Variants in GNS observed in about 807,000 individuals in gnomAD.
GNS encodes the protein N-acetylglucosamine-6-sulfatase.
A neutral mutation model predicts 69.7 loss-of-function variants in GNS; 40 were observed. The ratio of observed to expected loss-of-function variants is 0.57; its 90% confidence interval spans 0.45 to 0.75. GNS has a LOEUF of 0.75. Among genes scored for constraint, GNS ranks in the 30% least tolerant of loss-of-function variants. GNS has a pLI of 0.00. For missense variants in GNS, 565 were observed against 685.5 expected, an observed-to-expected ratio of 0.82 and a Z score of 1.96; for synonymous variants, 243 against 251.6, an observed-to-expected ratio of 0.97 and a Z score of 0.32.
intron 10 of GNS, among the ~76,000 whole-genome samples, chr12:64,725,910 G>A (rs926468158): frequency 1.4e-5 from 2 of 146,134 alleles, no homozygotes; most frequent in Non-Finnish European, 3.0e-5. Context: ...CCAGGAGAAT[G>A]GCGTGAACCA....
At position 64,729,023 on chromosome 12, in the gene GNS, ATAG is replaced by A. The variant is rs1869300567; in HGVS notation, c.1130_1132del (p.Thr377del). ...TAGGTCGTAGCCAGCAATGTCCAAA[ATAG>A]TAGGACCCAAGTCAATGTTGGCAAC... On this transcript the variant is annotated inframe_deletion, in exon 10 of 14. Coordinates refer to ENST00000258145, the MANE Select transcript of GNS (RefSeq NM_002076.4). 1 of 1,597,056 alleles carries A rather than the reference ATAG, an allele frequency of 6.3e-7. No homozygotes were observed. Among genetic ancestry groups the A allele is most frequent in the Non-Finnish European group, 8.6e-7 (1 of 1,164,556 alleles).
chr12:64,740,601 C>T lies in GNS; in HGVS notation c.875+5G>A. On this transcript the variant is annotated splice_donor_5th_base_variant and intron_variant, in intron 7 of 13. Transcript: ENST00000258145. ...CTCAGATTGTTATGTAGCAGCAGCTCTTACCTTTTCCTAAATGCATTATCT... is the reference window on the plus strand; with the variant it reads ...CTCAGATTGTTATGTAGCAGCAGCTTTTACCTTTTCCTAAATGCATTATCT... 1 of 1,463,446 alleles carries T rather than the reference C, an allele frequency of 6.8e-7. No individual in the cohort carries two copies. Among genetic ancestry groups the T allele is most frequent in the Non-Finnish European group, 9.6e-7 (1 of 1,042,442 alleles). 90.7% of individuals were successfully genotyped at this position (1,463,446 alleles called of 1,614,324 possible). A position where few individuals can be genotyped will look rare whatever the true frequency, so the allele number is the denominator to read the frequency against.
intron 1 of GNS, among the ~76,000 whole-genome samples, chr12:64,754,802 T>C (rs1256607613): frequency 2.6e-5 from 4 of 151,994 alleles, no homozygotes; most frequent in African/African-American, 9.7e-5. Flanking sequence ...GGTGGGAGGA[T>C]TGTTTGTGCC....
At chr12:64,732,181 T>TTTTTTTTTTTTTTTTC (rs1869420759) in intron 9 of GNS, among the ~76,000 whole-genome samples, 1 of 131,044 alleles carries the variant, frequency 7.6e-6, no homozygotes, top group African/African-American at 2.9e-5. Flanking sequence ...TTTTTTTTTT[T>TTTTTTTTTTTTTTTTC]TTTTGAGACG....
In GNS at chr12:64,740,651, A is replaced by T; in HGVS notation, c.830T>A (p.Met277Lys). 1 of 1,590,240 alleles carries T rather than the reference A, an allele frequency of 6.3e-7. No homozygotes were observed. Among genetic ancestry groups the T allele is most frequent in the Non-Finnish European group, 8.6e-7 (1 of 1,158,394 alleles). Residue 277 changes from methionine to lysine, a missense_variant, in exon 7 of 14, where the codon ATG becomes AAG. Physicochemically the swap from Met to Lys is moderately conservative, Grantham distance 95. Around this residue, in one of 2 missense-constraint regions of GNS, gnomAD observed 384 missense variants for 511.0 expected, o/e 0.75. Transcript: ENST00000258145. ...TAAAAACTGTATTGAAGAATTAGTC[A>T]TTGGAGTCTTGGCTTGCCTAATTAA... ...HWLIRQAKTP[M>K]TNSSIQFLDN...
intron 6 of GNS, among the ~76,000 whole-genome samples, chr12:64,742,311 C>T (rs557335927): frequency 2.6e-4 from 40 of 152,366 alleles, no homozygotes; most frequent in South Asian, 1.0e-3. Flanking sequence ...TGAGCCACTG[C>T]GCCCGGCCAG....
At chr12:64,744,171 C>T (rs1327041798) in intron 5 of GNS, among the ~76,000 whole-genome samples, 2 of 152,214 alleles carry the variant, frequency 1.3e-5, no homozygotes, top group Non-Finnish European at 2.9e-5. Context: ...ACTTATTTCT[C>T]GAACTGATCA....
intron 12 of GNS, among the ~76,000 whole-genome samples, chr12:64,720,895 T>C (rs1470354388): frequency 6.6e-6 from 1 of 152,228 alleles, no homozygotes; most frequent in African/African-American, 2.4e-5. Context: ...GTTATCAAAC[T>C]GATAAACATT....
Position 64,759,323 on chromosome 12 carries a change from A to T in GNS, c.-47T>A, listed in dbSNP as rs918977103. 1.5e-6 allele frequency: 2 copies of T among 1,307,042 alleles called. No individual in the cohort carries two copies. The highest frequency in any genetic ancestry group is 2.0e-6 in the Non-Finnish European group (2 of 975,646). The allele number at this position is 1,307,042 out of a possible 1,614,324, so 81.0% of individuals were successfully genotyped here. A position where few individuals can be genotyped will look rare whatever the true frequency, so the allele number is the denominator to read the frequency against. Reference sequence around the variant, plus strand: ...CCCCGGGACGGGACGGGACGGAGGGACGCACAGGTAGCTGAAGGGCGAGAG... The same window carrying T: ...CCCCGGGACGGGACGGGACGGAGGGTCGCACAGGTAGCTGAAGGGCGAGAG... On this transcript the variant is annotated 5_prime_UTR_variant, in exon 1 of 14. Transcript: ENST00000258145.
rs984763118 is a variant in GNS at position 64,715,525 on chromosome 12, CAA to C, written c.*1214_*1215del. On this transcript the variant is annotated 3_prime_UTR_variant, in exon 14 of 14. Coordinates refer to ENST00000258145, the MANE Select transcript of GNS (RefSeq NM_002076.4). ...ATAGTGAGACTCTGTCCCCACTTCT[CAA>C]AAATAAAAACATTTAGGTGTTCTCA... 3 of 153,976 alleles carry C rather than the reference CAA, an allele frequency of 1.9e-5. No homozygotes were observed. The highest frequency in any genetic ancestry group is 7.2e-5 in the African/African-American group (3 of 41,456). The allele number at this position is 153,976 out of a possible 1,614,324, so 9.5% of individuals were successfully genotyped here.
chr12:64,745,451 C>A (rs1273661616), intron 4 of GNS, among the ~76,000 whole-genome samples: 1 of 152,032 alleles, frequency 6.6e-6, no homozygotes, highest in Non-Finnish European at 1.5e-5. Context: ...AACTCCTGAA[C>A]TCAAGAGATC....
At chr12:64,757,748 A>C (rs1169278461) in intron 1 of GNS, among the ~76,000 whole-genome samples, 1 of 152,206 alleles carries the variant, frequency 6.6e-6, no homozygotes, top group Non-Finnish European at 1.5e-5. Flanking sequence ...TTTCTATTCT[A>C]TTCTATTCCA....
intron 1 of GNS, among the ~76,000 whole-genome samples, chr12:64,756,458 T>G (rs12319694): frequency 0.025 from 3,843 of 152,320 alleles, 91 homozygotes; most frequent in African/African-American, 0.059. Flanking sequence ...TGGAATGAAA[T>G]CTGATTATTA....
chr12:64,737,093 G>T lies in GNS; in HGVS notation c.1009C>A (p.Pro337Thr). Residue 337 changes from proline (P) to threonine (T), a missense_variant, in exon 9 of 14, where the codon CCA becomes ACA. Pro to Thr is a conservative substitution (Grantham distance 38). Coordinates refer to ENST00000258145, the MANE Select transcript of GNS (RefSeq NM_002076.4). The stretch of plus-strand genomic sequence containing the variant: ...TCATACAGCTGTCTCTTGTCTATTG[G>T]CAAGGAAAACTGTCCTGAAAACAAA... Reference protein sequence around the residue: ...NGYHTGQFSLPIDKRQLYEFD... With the variant: ...NGYHTGQFSLTIDKRQLYEFD... The T allele has an allele frequency of 1.3e-6, 2 of 1,567,336 alleles. No homozygotes were observed. Among genetic ancestry groups the T allele is most frequent in the Non-Finnish European group, 8.8e-7 (1 of 1,137,326 alleles).
intron 12 of GNS, 117 bp from the exon 13 acceptor site, chr12:64,720,299 ATCAAGGCCCTGGAGACTC>A: frequency 1.4e-6 from 1 of 713,180 alleles, no homozygotes; most frequent in South Asian, 1.5e-5. Context: ...AAAAAAAAAA[ATCAAGGCCCTGGAGACTC>A]TCAATCTGTT....
In GNS at chr12:64,721,844, A is replaced by G. The variant is rs1869038997; in HGVS notation, c.1309-139T>C. ...TTAGAAAACCTTCCATGGGGAAGCCAGTAACTCAAAAACAGATGTGAGGTT... is the reference window on the plus strand; with the variant it reads ...TTAGAAAACCTTCCATGGGGAAGCCGGTAACTCAAAAACAGATGTGAGGTT... On this transcript the variant is annotated intron_variant, in intron 11 of 13. Transcript: ENST00000258145. 4.3e-6 allele frequency: 3 copies of G among 705,540 alleles called. No homozygotes were observed. The South Asian group carries it at 4.4e-5, about 10-fold the overall frequency. 43.7% of individuals were successfully genotyped at this position (705,540 alleles called of 1,614,324 possible). A position where few individuals can be genotyped will look rare whatever the true frequency, so the allele number is the denominator to read the frequency against.
At chr12:64,717,988 T>C (rs969293180) in intron 13 of GNS, among the ~76,000 whole-genome samples, 5 of 152,106 alleles carry the variant, frequency 3.3e-5, no homozygotes, top group African/African-American at 4.8e-5. Flanking sequence ...TATTTTAGGG[T>C]ATGGGAGCCA....
intron 2 of GNS, 22 bp from the exon 3 acceptor site, chr12:64,747,940 A>G: frequency 7.5e-7 from 1 of 1,325,282 alleles, no homozygotes; most frequent in Non-Finnish European, 1.1e-6. Flanking sequence ...AGGAAGCAAA[A>G]ACGACAAAGT....
Position 64,745,653 on chromosome 12 carries a change from A to T in GNS, c.525+6T>A. 1 of 1,529,602 alleles carries T rather than the reference A, an allele frequency of 6.5e-7. No individual in the cohort carries two copies. Among genetic ancestry groups the T allele is most frequent in the South Asian group, 1.1e-5 (1 of 89,334 alleles). 94.8% of individuals were successfully genotyped at this position (1,529,602 alleles called of 1,614,324 possible). A position where few individuals can be genotyped will look rare whatever the true frequency, so the allele number is the denominator to read the frequency against. ...AAAATTGTCACAGACTTCAATAATCACTCACCAAGGCATACCAGTAACTCC... is the reference window on the plus strand; with the variant it reads ...AAAATTGTCACAGACTTCAATAATCTCTCACCAAGGCATACCAGTAACTCC... On this transcript the variant is annotated splice_donor_region_variant and intron_variant, in intron 4 of 13. Coordinates refer to ENST00000258145, the MANE Select transcript of GNS (RefSeq NM_002076.4).
Sources: allele counts gnomAD v4.1 joint callset (sites outside exome capture counted in the v4.1 genomes callset), GRCh38; gene constraint gnomAD v4.1.1; regional missense constraint gnomAD v4.1.1; transcripts MANE v1.5; gene names NCBI Gene and HGNC (gene_info 2026-07-23, HGNC 2026-07-21).